ARNT2: variants seen among roughly 807,000 people sequenced by gnomAD.
ARNT2 encodes ARNT protein 2.
Under a neutral mutation model 91.7 loss-of-function variants are expected in ARNT2, and 36 were observed. The observed-to-expected ratio is 0.39, with a 90% CI of 0.30 to 0.52. The LOEUF is 0.52. ARNT2 is among the 20% of genes least tolerant of loss of function. The pLI is 0.72. For synonymous variants in ARNT2, 365 were observed against 347.1 expected, an observed-to-expected ratio of 1.05 and a Z score of -0.57; for missense variants, 775 against 939.3, an observed-to-expected ratio of 0.83 and a Z score of 2.29.
At chr15:80,408,404 G>T (rs1895633174) in intron 1 of ARNT2, among the ~76,000 whole-genome samples, 1 of 152,204 alleles carries the variant, frequency 6.6e-6, no homozygotes, top group Non-Finnish European at 1.5e-5. Flanking sequence ...AGTCTTATGG[G>T]AGGTAACTTC....
chr15:80,519,154 C>A (rs2141432109), intron 8 of ARNT2, among the ~76,000 whole-genome samples: 1 of 152,256 alleles, frequency 6.6e-6, no homozygotes, highest in Middle Eastern at 3.4e-3. Context: ...TATTATAGTG[C>A]ATGTAAATCA....
chr15:80,464,040 G>A (rs890947360), intron 3 of ARNT2, among the ~76,000 whole-genome samples: 9 of 152,164 alleles, frequency 5.9e-5, no homozygotes, highest in African/African-American at 1.4e-4. Flanking sequence ...GGAGAGAGAG[G>A]AGGAAATCAC....
At chr15:80,575,407 G>A (rs1898656646) in intron 14 of ARNT2, among the ~76,000 whole-genome samples, 1 of 152,104 alleles carries the variant, frequency 6.6e-6, no homozygotes. Flanking sequence ...GAAGATTCTG[G>A]GGCACTGGGA....
chr15:80,569,468 G>A (rs192836155), intron 12 of ARNT2, among the ~76,000 whole-genome samples: 1 of 152,280 alleles, frequency 6.6e-6, no homozygotes, highest in Admixed American at 6.5e-5. Flanking sequence ...AAATGTCTGA[G>A]AAAACTCCCC....
intron 12 of ARNT2, among the ~76,000 whole-genome samples, chr15:80,567,807 C>T (rs1296628047): frequency 6.6e-6 from 1 of 152,166 alleles, no homozygotes; most frequent in Non-Finnish European, 1.5e-5. Context: ...CTGAAAGGTC[C>T]TACACTGGTG....
chr15:80,563,554 C>G (rs560354971), intron 12 of ARNT2, among the ~76,000 whole-genome samples: 2 of 152,332 alleles, frequency 1.3e-5, no homozygotes, highest in East Asian at 3.9e-4. Context: ...CCAACTGGAG[C>G]TCTGCTGGGC....
rs1025141579 is a variant in ARNT2 at position 80,593,940 on chromosome 15, A to G, written c.*242A>G. The G allele has an allele frequency of 5.1e-5, 26 of 513,858 alleles. No homozygotes were observed. The highest frequency in any genetic ancestry group is 8.0e-5 in the Non-Finnish European group (23 of 287,710). 31.8% of individuals were successfully genotyped at this position (513,858 alleles called of 1,614,324 possible). ...GGATCAGTTGTATTTATTGTATTTTATCTGTGTGTGCTCAGGAGGTGAGCC... is the reference window on the plus strand; with the variant it reads ...GGATCAGTTGTATTTATTGTATTTTGTCTGTGTGTGCTCAGGAGGTGAGCC... On this transcript the variant is annotated 3_prime_UTR_variant, in exon 19 of 19. Transcript: ENST00000303329.
At chr15:80,473,614 C>G (rs974758625) in intron 4 of ARNT2, among the ~76,000 whole-genome samples, 1 of 152,170 alleles carries the variant, frequency 6.6e-6, no homozygotes, top group African/African-American at 2.4e-5. Context: ...AGCAAAAGTG[C>G]AAAGCAAGAG....
At chr15:80,413,848 C>T (rs537887639) in intron 1 of ARNT2, among the ~76,000 whole-genome samples, 1 of 152,266 alleles carries the variant, frequency 6.6e-6, no homozygotes, top group East Asian at 1.9e-4. Flanking sequence ...GGGTGGCCTT[C>T]CATATACTCT....
At chr15:80,482,978 CTT>C (rs1411666882) in intron 5 of ARNT2, among the ~76,000 whole-genome samples, 1 of 152,202 alleles carries the variant, frequency 6.6e-6, no homozygotes. Context: ...TTGCCAAGCT[CTT>C]TGATCTCTGA....
chr15:80,422,072 C>T (rs1895868488), intron 1 of ARNT2, among the ~76,000 whole-genome samples: 1 of 152,116 alleles, frequency 6.6e-6, no homozygotes, highest in East Asian at 1.9e-4. Flanking sequence ...GGCTGGGAGA[C>T]AGAGAGGTGA....
At chr15:80,562,966 C>T in intron 11 of ARNT2, 122 bp from the exon 12 acceptor site, 2 of 1,062,560 alleles carry the variant, frequency 1.9e-6, no homozygotes, top group Non-Finnish European at 2.9e-6. Context: ...CTTTTAGCCA[C>T]AATGCCCCTA....
chr15:80,534,454 G>A (rs79154507), intron 8 of ARNT2, among the ~76,000 whole-genome samples: 1 of 152,042 alleles, frequency 6.6e-6, no homozygotes, highest in South Asian at 2.1e-4. Flanking sequence ...TTTTTAAAAG[G>A]TTATGAATAG....
intron 1 of ARNT2, among the ~76,000 whole-genome samples, chr15:80,425,359 AAAT>A (rs1895918295): frequency 6.6e-6 from 1 of 152,198 alleles, no homozygotes; most frequent in Non-Finnish European, 1.5e-5. Flanking sequence ...ATTTATTTAA[AAAT>A]AATAATGAAA....
intron 8 of ARNT2, among the ~76,000 whole-genome samples, chr15:80,545,652 T>C (rs1897978870): frequency 6.6e-6 from 1 of 152,214 alleles, no homozygotes; most frequent in African/African-American, 2.4e-5. Flanking sequence ...ACCTGAGATA[T>C]GCAGTCACTA....
chr15:80,466,886 A>C (rs758640047), intron 3 of ARNT2, among the ~76,000 whole-genome samples: 2 of 152,230 alleles, frequency 1.3e-5, no homozygotes, highest in Non-Finnish European at 2.9e-5. Flanking sequence ...TTCTTCATAC[A>C]CCTTATCTCA....
At chr15:80,504,641 G>A (rs771060717) in intron 5 of ARNT2, among the ~76,000 whole-genome samples, 22 of 152,138 alleles carry the variant, frequency 1.4e-4, no homozygotes, top group Non-Finnish European at 2.2e-4. Context: ...GGGGGCACAC[G>A]TCTGTAGTCC....
At chr15:80,520,760 A>G (rs987647412) in intron 8 of ARNT2, among the ~76,000 whole-genome samples, 7 of 152,100 alleles carry the variant, frequency 4.6e-5, no homozygotes, top group Non-Finnish European at 1.0e-4. Flanking sequence ...TAGGGAAAAA[A>G]ATCTGTGTTT....
chr15:80,466,101 T>C (rs1370542942), intron 3 of ARNT2, among the ~76,000 whole-genome samples: 1 of 152,240 alleles, frequency 6.6e-6, no homozygotes, highest in Non-Finnish European at 1.5e-5. Flanking sequence ...GCTCCGGGTC[T>C]AAGGTTCCCT....
Sources: allele counts gnomAD v4.1 joint callset (sites outside exome capture counted in the v4.1 genomes callset), GRCh38; gene constraint gnomAD v4.1.1; transcripts MANE v1.5; gene names NCBI Gene and HGNC (gene_info 2026-07-23, HGNC 2026-07-21).